DIPK1A: variants seen among roughly 807,000 people sequenced by gnomAD.
DIPK1A encodes divergent protein kinase domain 1A.
A neutral mutation model predicts 40.8 loss-of-function variants in DIPK1A; 27 were observed. The observed-to-expected ratio is 0.66, with a 90% confidence interval of 0.49 to 0.91. The LOEUF (loss-of-function observed/expected upper bound fraction) is 0.91. DIPK1A is among the 40% of genes least tolerant of loss of function. DIPK1A has a pLI of 0.00. For missense variants in DIPK1A, 412 were observed against 505.7 expected, an observed-to-expected ratio of 0.81 and a Z score of 1.78; for synonymous variants, 166 against 171.3, an observed-to-expected ratio of 0.97 and a Z score of 0.24.
downstream of DIPK1A, chr1:92,840,840 C>T (rs775135764): frequency 5.9e-5 from 41 of 699,398 alleles, no homozygotes; most frequent in Non-Finnish European, 9.5e-5. Context: ...TTCTTTCTAT[C>T]CTAGTACAGT....
chr1:92,890,428 T>A (rs1648810867), intron 1 of DIPK1A, among the ~76,000 whole-genome samples: 1 of 152,224 alleles, frequency 6.6e-6, no homozygotes, highest in Admixed American at 6.5e-5. Context: ...CTTTTCCTTG[T>A]TCAGTATCAT....
At position 92,888,644 on chromosome 1, in the gene DIPK1A, C is replaced by T. The variant is rs139897187; in HGVS notation, c.55-12214G>A. Among the ~76,000 whole-genome samples, 198 of 152,276 alleles carry T rather than the reference C, an allele frequency of 1.3e-3. 1 individual carries two copies. The highest frequency in any genetic ancestry group is 4.6e-3 in the African/African-American group (191 of 41,564). On this transcript the variant is annotated intron_variant, in intron 1 of 4. Coordinates refer to ENST00000370310, the MANE Select transcript of DIPK1A (RefSeq NM_001006605.5). ...ATAATGGCTACACTAATTTACATTT[C>T]CACAAACAGTGTAAGAGAGTTCCTA...
At chr1:92,845,570 G>A in intron 4 of DIPK1A, 2 of 326,406 alleles carry the variant, frequency 6.1e-6, no homozygotes, top group South Asian at 4.6e-5. Flanking sequence ...TGGATGCGGT[G>A]GCTCACGCCT....
At chr1:92,935,611 T>G (rs1053224371) in intron 1 of DIPK1A, among the ~76,000 whole-genome samples, 4 of 152,064 alleles carry the variant, frequency 2.6e-5, no homozygotes, top group African/African-American at 9.7e-5. Context: ...TCCTTATCTA[T>G]AAAATCAACA....
intron 1 of DIPK1A, among the ~76,000 whole-genome samples, chr1:92,944,838 A>G (rs1026456781): frequency 6.6e-6 from 1 of 152,086 alleles, no homozygotes; most frequent in African/African-American, 2.4e-5. Flanking sequence ...CAACATGGCA[A>G]AACCCCACAG....
intron 2 of DIPK1A, among the ~76,000 whole-genome samples, chr1:92,871,170 T>C (rs1647828989): frequency 6.6e-6 from 1 of 152,204 alleles, no homozygotes; most frequent in Non-Finnish European, 1.5e-5. Context: ...CTTTTATTTA[T>C]TTATTTTTTT....
chr1:92,867,284 G>C (rs1223545548), intron 2 of DIPK1A, among the ~76,000 whole-genome samples: 1 of 141,018 alleles, frequency 7.1e-6, no homozygotes, highest in East Asian at 2.1e-4. Context: ...TTGATCTCTT[G>C]ACCTCGTGAT....
chr1:92,858,925 T>C (rs1688075749), intron 2 of DIPK1A, among the ~76,000 whole-genome samples: 1 of 152,212 alleles, frequency 6.6e-6, no homozygotes, highest in Non-Finnish European at 1.5e-5. Flanking sequence ...TGTTTCACTT[T>C]ACCATAGGAT....
chr1:92,851,713 T>C (rs919520739), intron 2 of DIPK1A, among the ~76,000 whole-genome samples: 2 of 151,714 alleles, frequency 1.3e-5, no homozygotes, highest in Non-Finnish European at 2.9e-5. Context: ...CTAGGCACAA[T>C]AAATGAGGAT....
chr1:92,832,993 G>T (rs780882370), exon 5 of DIPK1A: 1 of 735,864 alleles, frequency 1.4e-6, no homozygotes, highest in Non-Finnish European at 2.5e-6. Context: ...GCTGTCTGGA[G>T]CAGTGCTTCG....
chr1:92,952,027 T>C (rs2100912297), intron 1 of DIPK1A, among the ~76,000 whole-genome samples: 1 of 131,646 alleles, frequency 7.6e-6, no homozygotes, highest in Admixed American at 8.6e-5. Flanking sequence ...AAAACTACAA[T>C]GAAATACCAA....
chr1:92,914,807 T>C (rs1649983520), intron 1 of DIPK1A, among the ~76,000 whole-genome samples: 1 of 145,526 alleles, frequency 6.9e-6, no homozygotes, highest in Non-Finnish European at 1.5e-5. Flanking sequence ...CACTTAGGGC[T>C]GGGCGCGGTG....
chr1:92,833,512 A>G (rs1401888829), intron 4 of DIPK1A: 1 of 1,610,296 alleles, frequency 6.2e-7, no homozygotes, highest in African/African-American at 1.3e-5. Flanking sequence ...GATGCAGTGG[A>G]GTATCCTTTC....
Position 92,836,623 on chromosome 1 carries a change from G to T in DIPK1A, c.475-3589C>A, listed in dbSNP as rs1687140204. On this transcript the variant is annotated intron_variant, in intron 4 of 4. Coordinates refer to the DIPK1A transcript ENST00000615519. Reference sequence around the variant, plus strand: ...TCCCAAGTTTTTCGGGCCAGTTATTGAAAGAGATGGGATTGAAACCACTAC... The same window carrying T: ...TCCCAAGTTTTTCGGGCCAGTTATTTAAAGAGATGGGATTGAAACCACTAC... The T allele has an allele frequency of 3.0e-5, 16 of 537,986 alleles. No individual in the cohort carries two copies. The South Asian group carries it at 3.0e-4, about 10-fold the overall frequency. The allele number at this position is 537,986 out of a possible 1,614,324, so 33.3% of individuals were successfully genotyped here.
chr1:92,849,814 C>T (rs889542279), intron 3 of DIPK1A, among the ~76,000 whole-genome samples: 3 of 151,624 alleles, frequency 2.0e-5, no homozygotes, highest in African/African-American at 7.3e-5. Context: ...TGCCTGGCCA[C>T]CCAGCTAATT....
intron 1 of DIPK1A, among the ~76,000 whole-genome samples, chr1:92,927,371 T>G (rs932303358): frequency 2.3e-4 from 34 of 147,494 alleles, no homozygotes; most frequent in African/African-American, 6.8e-4. Context: ...GTTGTTTTTT[T>G]TTTTTTTTTT....
intron 1 of DIPK1A, among the ~76,000 whole-genome samples, chr1:92,913,290 C>G (rs996745118): frequency 3.9e-5 from 6 of 152,090 alleles, no homozygotes; most frequent in African/African-American, 1.4e-4. Context: ...ATTGCTTCAA[C>G]CCCAGGTCAG....
intron 1 of DIPK1A, among the ~76,000 whole-genome samples, chr1:92,943,915 A>G (rs1005693455): frequency 6.6e-6 from 1 of 152,252 alleles, no homozygotes; most frequent in African/African-American, 2.4e-5. Flanking sequence ...GAGCTAAGAT[A>G]AACATATAGA....
chr1:92,948,476 T>C (rs976263650), intron 1 of DIPK1A, among the ~76,000 whole-genome samples: 1 of 151,382 alleles, frequency 6.6e-6, no homozygotes, highest in African/African-American at 2.4e-5. Flanking sequence ...TAGAGACGGG[T>C]TCTCATTATG....
Sources: gnomAD v4.1 joint callset for allele counts (sites outside exome capture counted in the v4.1 genomes callset) on GRCh38, gnomAD v4.1.1 for gene constraint, MANE v1.5 for transcripts, NCBI Gene and HGNC (gene_info 2026-07-23, HGNC 2026-07-21) for gene names.